Variants in ENPP3 observed in about 807,000 individuals in gnomAD.
ENPP3 encodes ectonucleotide pyrophosphatase/phosphodiesterase 3, also known as ectonucleotide pyrophosphatase/phosphodiesterase family member 3.
ENPP3 carries 104 observed loss-of-function variants against 117.8 expected under a neutral mutation model. The observed-to-expected ratio is 0.88, with a 90% confidence interval of 0.75 to 1.04. The LOEUF is 1.04. Among genes scored for constraint, ENPP3 ranks in the 50% least tolerant of loss-of-function variants. The probability of loss-of-function intolerance (pLI) is 0.00; values close to 1 mark genes in which losing one functional copy is unlikely to be tolerated. For missense variants in ENPP3, 1,026 were observed against 1,051.9 expected, an observed-to-expected ratio of 0.98 and a Z score of 0.34; for synonymous variants, 380 against 349.9, an observed-to-expected ratio of 1.09 and a Z score of -0.96.
At chr6:131,698,243 T>A (rs1016527875) in intron 15 of ENPP3, among the ~76,000 whole-genome samples, 4 of 150,972 alleles carry the variant, frequency 2.6e-5, no homozygotes, top group Non-Finnish European at 5.9e-5. Context: ...AAAACACCGG[T>A]GCAAATCCAC....
chr6:131,740,077 C>A, intron 23 of ENPP3, 147 bp from the exon 24 acceptor site: 1 of 568,372 alleles, frequency 1.8e-6, no homozygotes, highest in Non-Finnish European at 2.8e-6. Context: ...TTAAAAAGTA[C>A]CTAGCATATA....
At chr6:131,735,933 A>G (rs1045132418) in intron 21 of ENPP3, among the ~76,000 whole-genome samples, 2 of 152,232 alleles carry the variant, frequency 1.3e-5, no homozygotes, top group African/African-American at 4.8e-5. Context: ...GTACTATACT[A>G]TATACTTAAA....
chr6:131,732,034 C>T (rs1477246030), intron 20 of ENPP3, among the ~76,000 whole-genome samples: 1 of 152,222 alleles, frequency 6.6e-6, no homozygotes, highest in Admixed American at 6.5e-5. Flanking sequence ...GCTACAAAGA[C>T]AGCATACAGT....
chr6:131,679,459 A>G (rs1778974534), intron 11 of ENPP3, among the ~76,000 whole-genome samples: 1 of 142,028 alleles, frequency 7.0e-6, no homozygotes, highest in Non-Finnish European at 1.5e-5. Context: ...GGGACACTCT[A>G]TTTGCATTCA....
chr6:131,639,978 T>TAATA (rs1306092432), intron 1 of ENPP3, among the ~76,000 whole-genome samples: 1 of 151,770 alleles, frequency 6.6e-6, no homozygotes, highest in Non-Finnish European at 1.5e-5. Context: ...ATAATAATAA[T>TAATA]AATAAATAAA....
intron 24 of ENPP3, among the ~76,000 whole-genome samples, chr6:131,742,714 G>A (rs1780553184): frequency 6.6e-6 from 1 of 151,940 alleles, no homozygotes; most frequent in Non-Finnish European, 1.5e-5. Flanking sequence ...TAAGTTCCAG[G>A]TCAATTGGAG....
chr6:131,664,192 C>G (rs1411139521), intron 6 of ENPP3, among the ~76,000 whole-genome samples: 1 of 152,072 alleles, frequency 6.6e-6, no homozygotes, highest in African/African-American at 2.4e-5. Context: ...CCCCTGAAGA[C>G]CTTTCAGTAG....
At chr6:131,641,860 A>G (rs76838119) in intron 2 of ENPP3, among the ~76,000 whole-genome samples, 3,153 of 126,916 alleles carry the variant, frequency 0.025, 134 homozygotes, top group African/African-American at 0.093. Flanking sequence ...CTGGAGCACA[A>G]TCTCCACTCA....
At chr6:131,682,932 G>A (rs1311395607) in intron 11 of ENPP3, 122 bp from the exon 12 acceptor site, 4 of 686,888 alleles carry the variant, frequency 5.8e-6, no homozygotes, top group Non-Finnish European at 1.1e-5. Context: ...GGGCTCTGAG[G>A]TTCTGTTTCA....
At chr6:131,688,330 G>T (rs1474870810) in intron 14 of ENPP3, among the ~76,000 whole-genome samples, 2 of 152,112 alleles carry the variant, frequency 1.3e-5, no homozygotes, top group African/African-American at 2.4e-5. Flanking sequence ...AATTAGTAAT[G>T]CTACAATGGC....
chr6:131,642,402 A>G (rs1585607926), intron 2 of ENPP3, among the ~76,000 whole-genome samples: 1 of 152,196 alleles, frequency 6.6e-6, no homozygotes, highest in Admixed American at 6.5e-5. Context: ...GTCCCAAAAT[A>G]TAAAATACCT....
intron 8 of ENPP3, 61 bp downstream of exon 8, chr6:131,674,342 A>G: frequency 6.5e-7 from 1 of 1,537,790 alleles, no homozygotes; most frequent in Admixed American, 1.7e-5. Context: ...TGACAGGAGG[A>G]CACTCTTCTC....
At chr6:131,730,914 C>CAA (rs528990087) in intron 20 of ENPP3, among the ~76,000 whole-genome samples, 8,321 of 97,990 alleles carry the variant, frequency 0.085, 683 homozygotes, top group African/African-American at 0.22. Context: ...GACTCCATCT[C>CAA]AAAAAAAAAA....
intron 12 of ENPP3, among the ~76,000 whole-genome samples, chr6:131,683,686 C>G (rs1034201615): frequency 4.0e-5 from 6 of 151,686 alleles, no homozygotes; most frequent in Non-Finnish European, 7.4e-5. Flanking sequence ...TGGAGACACC[C>G]TCTGCCACCT....
Position 131,685,374 on chromosome 6 carries a change from G to A in ENPP3, c.1131G>A (p.Gln377=). 6.2e-7 allele frequency: 1 copy of A among 1,611,232 alleles called. No homozygotes were observed. Among genetic ancestry groups the A allele is most frequent in the Non-Finnish European group, 8.5e-7 (1 of 1,177,648 alleles). ...TATTTTTTTATTCAGGAATGGACCA[G>A]ACTTATTGTAACAAGATGGAATACA... ...IILLADHGMD[Q]TYCNKMEYMT... is the part of the protein sequence containing the mutation. The change falls in exon 13 of 25, where the codon CAG becomes CAA. Residue 377 remains glutamine, a synonymous_variant. Coordinates refer to ENST00000357639, the MANE Select transcript of ENPP3 (RefSeq NM_005021.5).
intron 15 of ENPP3, among the ~76,000 whole-genome samples, chr6:131,696,520 C>T (rs1779408514): frequency 6.6e-6 from 1 of 152,192 alleles, no homozygotes; most frequent in Non-Finnish European, 1.5e-5. Flanking sequence ...AGCAGGTCTG[C>T]CCTGTGCAGT....
intron 6 of ENPP3, among the ~76,000 whole-genome samples, chr6:131,660,589 G>A (rs1361002507): frequency 1.3e-5 from 2 of 152,184 alleles, no homozygotes; most frequent in Admixed American, 6.5e-5. Context: ...AAGACTAGAA[G>A]TAGCAGGTAG....
chr6:131,675,268 T>C, intron 9 of ENPP3, 79 bp downstream of exon 9: 1 of 986,226 alleles, frequency 1.0e-6, no homozygotes. Context: ...TGGTGGCAAT[T>C]CTATTAATCC....
Position 131,733,882 on chromosome 6 carries a change from C to T in ENPP3, c.2089+159C>T, listed in dbSNP as rs558274161. Reference sequence around the variant, plus strand: ...GTTGTGGCTGGCCAGAGCAGCACAGCGGCTGTAATAAAGACTAAGACATTT... The same window carrying T: ...GTTGTGGCTGGCCAGAGCAGCACAGTGGCTGTAATAAAGACTAAGACATTT... On this transcript the variant is annotated intron_variant, in intron 21 of 24. Coordinates refer to ENST00000357639, the MANE Select transcript of ENPP3 (RefSeq NM_005021.5). 2.6e-5 allele frequency among the ~76,000 whole-genome samples: 4 copies of T among 152,254 alleles called. No individual in the cohort carries two copies. The East Asian group carries it at 5.8e-4, about 22-fold the overall frequency.
Sources: gnomAD v4.1 joint callset for allele counts (sites outside exome capture counted in the v4.1 genomes callset) on GRCh38, gnomAD v4.1.1 for gene constraint, MANE v1.5 for transcripts, NCBI Gene and HGNC (gene_info 2026-07-23, HGNC 2026-07-21) for gene names.